DCDC2B: variants seen among roughly 807,000 people sequenced by gnomAD.
DCDC2B encodes the protein doublecortin domain containing 2B, also known as doublecortin domain-containing protein 2B.
A neutral mutation model predicts 38.9 loss-of-function variants in DCDC2B; 41 were observed. The observed-to-expected ratio is 1.05, with a 90% CI of 0.82 to 1.37. The LOEUF is 1.37. Ranked by LOEUF, DCDC2B falls within the 40% of genes most tolerant of loss-of-function variation. DCDC2B has a pLI of 0.00. For missense variants in DCDC2B, 453 were observed against 427.2 expected (o/e 1.06, Z -0.53); for synonymous variants, 181 against 171.9 (o/e 1.05, Z -0.41).
In DCDC2B at chr1:32,216,018, C is replaced by T; in HGVS notation, c.*121C>T. On this transcript the variant is annotated 3_prime_UTR_variant, in exon 9 of 9. Transcript: ENST00000409358. ...GCTGGGCTCACAGGGTACACTGCGG[C>T]CTCCTCAGCCCTCCCCGTTCTCCTG... is the stretch of plus-strand genomic sequence containing the variant. 1.2e-6 allele frequency: 1 copy of T among 829,648 alleles called. No homozygotes were observed. The allele number at this position is 829,648 out of a possible 1,614,324, so 51.4% of individuals were successfully genotyped here.
At chr1:32,212,274 G>A (rs1643618750) in intron 4 of DCDC2B, 73 bp downstream of exon 4, 2 of 1,586,416 alleles carry the variant, frequency 1.3e-6, no homozygotes, top group African/African-American at 1.4e-5. Context: ...TGTGGCTGAG[G>A]ATGAAGAGGC....
chr1:32,212,226 CA>C (rs751930763), intron 4 of DCDC2B, 25 bp downstream of exon 4: 10 of 1,604,648 alleles, frequency 6.2e-6, no homozygotes, highest in Non-Finnish European at 6.8e-6. Context: ...TGCGAGGGCC[CA>C]AAAGTCCCCA....
At position 32,211,312 on chromosome 1, in the gene DCDC2B, T is replaced by C. The variant is rs1473859007; in HGVS notation, c.307T>C (p.Cys103Arg). 6.2e-7 allele frequency: 1 copy of C among 1,613,800 alleles called. No individual in the cohort carries two copies. Among genetic ancestry groups the C allele is most frequent in the East Asian group, 2.2e-5 (1 of 44,896 alleles). ...AGGGAAGGACCCAGGTGGGAAGAGC[T>C]GCAGACTACAAGTGAGTCCCGGGGA... ...HRGKDPGGKS[C>R]RLQGPPVTRH... The change falls in exon 2 of 9, where the codon TGC becomes CGC. Residue 103 changes from cysteine (C) to arginine (R), a missense_variant. Coordinates refer to ENST00000409358, the MANE Select transcript of DCDC2B (RefSeq NM_001099434.2).
At chr1:32,213,934 G>A (rs986888401) in intron 6 of DCDC2B, among the ~76,000 whole-genome samples, 9 of 151,940 alleles carry the variant, frequency 5.9e-5, no homozygotes, top group African/African-American at 1.5e-4. Context: ...TTACAGTCGT[G>A]AGCCACCTCG....
At position 32,216,090 on chromosome 1, in the gene DCDC2B, C is replaced by T. The variant is rs987826593; in HGVS notation, c.*193C>T. ...CTTCCCTTCCTCTGAGCAGAGCAGC[C>T]CTGGCTGTGGGGGCTATTTCCTTAT... On this transcript the variant is annotated 3_prime_UTR_variant, in exon 9 of 9. Coordinates refer to ENST00000409358, the MANE Select transcript of DCDC2B (RefSeq NM_001099434.2). 58 of 687,034 alleles carry T rather than the reference C, an allele frequency of 8.4e-5. No homozygotes were observed. Among genetic ancestry groups the T allele is most frequent in the Non-Finnish European group, 1.2e-4 (51 of 412,774 alleles). 42.6% of individuals were successfully genotyped at this position (687,034 alleles called of 1,614,324 possible). A position where few individuals can be genotyped will look rare whatever the true frequency, so the allele number is the denominator to read the frequency against.
rs1286182847 is a variant in DCDC2B at position 32,212,793 on chromosome 1, G to T, written c.714G>T (p.Gly238=). Residue 238 remains glycine (G), a splice_region_variant and synonymous_variant, in exon 6 of 9, where the codon GGG becomes GGT. Coordinates refer to ENST00000409358, the MANE Select transcript of DCDC2B (RefSeq NM_001099434.2). ...PGSKSRPHRQ[G]AQGHRAQVTQ... ...CGAAGTCTAGGCCCCACAGGCAGGGGGTAGGTGACGCAGGGGACAATGAGG... is the reference window on the plus strand; with the variant it reads ...CGAAGTCTAGGCCCCACAGGCAGGGTGTAGGTGACGCAGGGGACAATGAGG... 8 of 1,613,704 alleles carry T rather than the reference G, an allele frequency of 5.0e-6. No homozygotes were observed. The South Asian group carries it at 8.8e-5, about 18-fold the overall frequency.
chr1:32,213,469 T>C (rs1557532312), intron 6 of DCDC2B, among the ~76,000 whole-genome samples: 1 of 151,448 alleles, frequency 6.6e-6, no homozygotes, highest in Non-Finnish European at 1.5e-5. Context: ...CCCGAGTAGC[T>C]GGGATTACAG....
Position 32,212,574 on chromosome 1 carries a change from G to C in DCDC2B, c.612G>C (p.Glu204Asp), listed in dbSNP as rs1268855265. 1.2e-6 allele frequency: 2 copies of C among 1,613,952 alleles called. No individual in the cohort carries two copies. Among genetic ancestry groups the C allele is most frequent in the Non-Finnish European group, 1.7e-6 (2 of 1,179,914 alleles). The change falls in exon 5 of 9, where the codon GAG becomes GAC. Residue 204 changes from glutamate to aspartate, a missense_variant. Coordinates refer to ENST00000409358, the MANE Select transcript of DCDC2B (RefSeq NM_001099434.2). ...ACTATGTGGCTGTCGGAGAGGATGA[G>C]TTCAAGGACCTTCCCTATCTGGAGC... is the stretch of plus-strand genomic sequence containing the variant. Reference protein sequence around the residue: ...GHYYVAVGEDEFKDLPYLELL... With the variant: ...GHYYVAVGEDDFKDLPYLELL...
Position 32,212,786 on chromosome 1 carries a change from G to A in DCDC2B, c.707G>A (p.Arg236Lys), listed in dbSNP as rs763902336. Residue 236 changes from arginine to lysine, a missense_variant, in exon 6 of 9, where the codon AGG (arginine) becomes AAG (lysine). Transcript: ENST00000409358. ...QPPGSKSRPH[R>K]QGAQGHRAQV... Reference sequence around the variant, plus strand: ...CCAGGCTCGAAGTCTAGGCCCCACAGGCAGGGGGTAGGTGACGCAGGGGAC... The same window carrying A: ...CCAGGCTCGAAGTCTAGGCCCCACAAGCAGGGGGTAGGTGACGCAGGGGAC... 5 of 1,613,858 alleles carry A rather than the reference G, an allele frequency of 3.1e-6. No homozygotes were observed. The Admixed American group carries it at 6.7e-5, about 22-fold the overall frequency.
chr1:32,215,997 G>A lies in DCDC2B; in HGVS notation c.*100G>A, dbSNP rs532578096. 9.8e-6 allele frequency: 10 copies of A among 1,019,664 alleles called. No homozygotes were observed. In the African/African-American group the frequency reaches 1.1e-4, roughly 12 times the overall value. 63.2% of individuals were successfully genotyped at this position (1,019,664 alleles called of 1,614,324 possible). A position where few individuals can be genotyped will look rare whatever the true frequency, so the allele number is the denominator to read the frequency against. On this transcript the variant is annotated 3_prime_UTR_variant, in exon 9 of 9. Transcript: ENST00000409358. ...TCCTCAGGAGCCAGCACCTCCGCTG[G>A]GCTCACAGGGTACACTGCGGCCTCC...
Position 32,212,818 on chromosome 1 carries a change from G to A in DCDC2B, c.714+25G>A, listed in dbSNP as rs778134496. ...GGTAGGTGACGCAGGGGACAATGAG[G>A]GGTGGGAAGAAGGGGAGTGACTGGC... is the stretch of plus-strand genomic sequence containing the variant. On this transcript the variant is annotated intron_variant, in intron 6 of 8. Coordinates refer to ENST00000409358, the MANE Select transcript of DCDC2B (RefSeq NM_001099434.2). 3.1e-6 allele frequency: 5 copies of A among 1,612,406 alleles called. No homozygotes were observed. The Admixed American group carries it at 8.3e-5, about 27-fold the overall frequency.
At chr1:32,210,870 A>G (rs1643557781) in intron 1 of DCDC2B, among the ~76,000 whole-genome samples, 1 of 151,874 alleles carries the variant, frequency 6.6e-6, no homozygotes, top group Admixed American at 6.6e-5. Context: ...GCATGCCACC[A>G]TGCCTGGCTA....
Position 32,216,012 on chromosome 1 carries a change from C to A in DCDC2B, c.*115C>A. The A allele has an allele frequency of 5.6e-6, 5 of 896,392 alleles. No individual in the cohort carries two copies. The highest frequency in any genetic ancestry group is 3.4e-5 in the African/African-American group (2 of 59,276). 55.5% of individuals were successfully genotyped at this position (896,392 alleles called of 1,614,324 possible). ...ACCTCCGCTGGGCTCACAGGGTACA[C>A]TGCGGCCTCCTCAGCCCTCCCCGTT... On this transcript the variant is annotated 3_prime_UTR_variant, in exon 9 of 9. Coordinates refer to ENST00000409358, the MANE Select transcript of DCDC2B (RefSeq NM_001099434.2).
At chr1:32,212,351 G>C (rs942854197) in intron 4 of DCDC2B, 139 bp from the exon 5 acceptor site, 2 of 1,517,066 alleles carry the variant, frequency 1.3e-6, no homozygotes, top group Non-Finnish European at 1.8e-6. Flanking sequence ...CCTCTGCCCA[G>C]CCCTCAGAGG....
intron 6 of DCDC2B, among the ~76,000 whole-genome samples, chr1:32,213,622 C>T (rs1012456652): frequency 1.3e-5 from 2 of 151,522 alleles, no homozygotes; most frequent in South Asian, 2.1e-4. Context: ...CATTCTCCTG[C>T]CTCAGCCTCC....
intron 6 of DCDC2B, 99 bp downstream of exon 6, chr1:32,212,892 C>T (rs2124209500): frequency 2.2e-6 from 3 of 1,382,752 alleles, no homozygotes; most frequent in Non-Finnish European, 3.0e-6. Flanking sequence ...TGCATCCTCT[C>T]TTTTTTCTTT....
At position 32,213,770 on chromosome 1, in the gene DCDC2B, A is replaced by G. The variant is rs186080164; in HGVS notation, c.714+977A>G. On this transcript the variant is annotated intron_variant, in intron 6 of 8. Coordinates refer to ENST00000409358, the MANE Select transcript of DCDC2B (RefSeq NM_001099434.2). ...CGTGATCAGCCCACCTCAGCCTCCC[A>G]AAGTGCTGGGATTACAGGCGTGAGC... Among the ~76,000 whole-genome samples the G allele has an allele frequency of 5.2e-3, 791 of 151,038 alleles. 5 individuals are homozygous for G. The highest frequency in any genetic ancestry group is 0.018 in the African/African-American group (758 of 41,106).
chr1:32,214,222 G>C (rs1643703220), intron 6 of DCDC2B, among the ~76,000 whole-genome samples: 1 of 145,500 alleles, frequency 6.9e-6, no homozygotes, highest in East Asian at 2.1e-4. Context: ...TGAGGCAGGA[G>C]AATCACTTGA....
At chr1:32,212,336 A>G in intron 4 of DCDC2B, 135 bp downstream of exon 4, 1 of 1,527,792 alleles carries the variant, frequency 6.5e-7, no homozygotes, top group South Asian at 1.3e-5. Flanking sequence ...CCACTGGGAG[A>G]GGGCCCTCTG....
Sources: allele counts gnomAD v4.1 joint callset (sites outside exome capture counted in the v4.1 genomes callset), GRCh38; gene constraint gnomAD v4.1.1; transcripts MANE v1.5; gene names NCBI Gene and HGNC (gene_info 2026-07-23, HGNC 2026-07-21).